COLGALT1: variants seen among roughly 807,000 people sequenced by gnomAD.
COLGALT1 encodes collagen beta(1-O)galactosyltransferase 1.
A neutral mutation model predicts 60.8 loss-of-function variants in COLGALT1; 43 were observed. That is an observed-to-expected ratio of 0.71 (90% CI 0.55 to 0.91). The LOEUF is 0.91. Among genes scored for constraint, COLGALT1 ranks in the 40% least tolerant of loss-of-function variants. The pLI, the probability that COLGALT1 is intolerant of heterozygous loss-of-function variation, is 0.00. For missense variants in COLGALT1, 845 were observed against 880.0 expected, an observed-to-expected ratio of 0.96 and a Z score of 0.50; for synonymous variants, 369 against 374.2, an observed-to-expected ratio of 0.99 and a Z score of 0.16.
intron 3 of COLGALT1, among the ~76,000 whole-genome samples, chr19:17,562,679 C>T (rs138717284): frequency 4.2e-4 from 63 of 151,268 alleles, no homozygotes; most frequent in Middle Eastern, 3.4e-3. Context: ...AAAAGCCACA[C>T]ACTAGCAGGA....
chr19:17,576,691 C>T (rs1455671044), intron 6 of COLGALT1, among the ~76,000 whole-genome samples: 1 of 102,084 alleles, frequency 9.8e-6, no homozygotes, highest in Non-Finnish European at 1.9e-5. Context: ...TGGGGGGGTG[C>T]AGGGTGAAGT....
chr19:17,581,102 AC>A, intron 11 of COLGALT1, 74 bp from the exon 12 acceptor site: 1 of 1,529,600 alleles, frequency 6.5e-7, no homozygotes. Flanking sequence ...TGACTTCTTC[AC>A]CCCCAATTTT....
At position 17,581,463 on chromosome 19, in the gene COLGALT1, C is replaced by G. The variant is rs1361268352; in HGVS notation, c.*19C>G. 1.3e-6 allele frequency: 2 copies of G among 1,597,126 alleles called. No homozygotes were observed. Among genetic ancestry groups the G allele is most frequent in the Admixed American group, 1.7e-5 (1 of 59,596 alleles). On this transcript the variant is annotated 3_prime_UTR_variant, in exon 12 of 12. Transcript: ENST00000252599. ...ACTCTGAGGGGTAGCAGCCAGAAAG[C>G]CAAAGCAGCCATCGGTGGCCCAGGC...
At position 17,580,753 on chromosome 19, in the gene COLGALT1, C is replaced by T. The variant is rs370763953; in HGVS notation, c.1449C>T (p.Arg483=). The T allele has an allele frequency of 1.9e-5, 31 of 1,614,088 alleles. No homozygotes were observed. The highest frequency in any genetic ancestry group is 3.3e-5 in the Admixed American group (2 of 60,010). The change falls in exon 11 of 12, where the codon CGC becomes CGT. Residue 483 remains arginine, a synonymous_variant. Transcript: ENST00000252599. ...AGCACCCCGAGAAGGCTGTGCCTCG[C>T]GTGAGGAACCTGGTGGAGGCCGACT... ...QVEHPEKAVP[R]VRNLVEADYS...
At position 17,572,594 on chromosome 19, in the gene COLGALT1, A is replaced by C; in HGVS notation, c.941A>C (p.Glu314Ala). Residue 314 changes from glutamate to alanine, a missense_variant, in exon 6 of 12, where the codon GAG becomes GCG. By Grantham distance (107) the Glu-to-Ala change is moderately radical. Coordinates refer to ENST00000252599, the MANE Select transcript of COLGALT1 (RefSeq NM_024656.4). The stretch of plus-strand genomic sequence containing the variant: ...GAGAGCTTCATGCATGTGCAGCTGG[A>C]GGTCATGGGTGAGTCTGCCTGCACA... Reference protein sequence around the residue: ...EAESFMHVQLEVMVKHPPAEP... With the variant: ...EAESFMHVQLAVMVKHPPAEP... 1 of 1,613,934 alleles carries C rather than the reference A, an allele frequency of 6.2e-7. No homozygotes were observed.
In COLGALT1 at chr19:17,581,400, G is replaced by A. The variant is rs1304121207; in HGVS notation, c.1825G>A (p.Val609Met). The change falls in exon 12 of 12, where the codon GTG (valine) becomes ATG (methionine). Residue 609 changes from valine (V) to methionine (M), a missense_variant. Val to Met is a conservative substitution (Grantham distance 21). Transcript: ENST00000252599. The part of the protein sequence containing the change: ...ALSREAKNSD[V>M]LQSPLDSAAR... ...GAGCCGTGAGGCCAAGAACTCGGAC[G>A]TGCTCCAGTCCCCACTGGACAGTGC... 12 of 1,612,012 alleles carry A rather than the reference G, an allele frequency of 7.4e-6. No individual in the cohort carries two copies. The highest frequency in any genetic ancestry group is 1.1e-5 in the South Asian group (1 of 91,088).
rs1438627298 is a variant in COLGALT1, at chr19:17,580,819, C to T, written c.1515C>T (p.Gly505=). ...WTLAYVISLQ[G]ARKLLAAEPL... is the part of the protein sequence containing the mutation. ...TGGCCTACGTGATCTCCCTGCAAGG[C>T]GCCCGCAAACTGCTGGCTGCTGAGC... Residue 505 remains glycine, a synonymous_variant, in exon 11 of 12, where the codon GGC becomes GGT. Transcript: ENST00000252599. 5.0e-6 allele frequency: 8 copies of T among 1,614,054 alleles called. No individual in the cohort carries two copies. Among genetic ancestry groups the T allele is most frequent in the Non-Finnish European group, 6.8e-6 (8 of 1,180,016 alleles).
chr19:17,556,629 G>A (rs2076213461), intron 1 of COLGALT1: 1 of 752,258 alleles, frequency 1.3e-6, no homozygotes, highest in Non-Finnish European at 1.6e-6. Flanking sequence ...ATGGAAAATG[G>A]GTCCGGGTGC....
At position 17,577,355 on chromosome 19, in the gene COLGALT1, C is replaced by A; in HGVS notation, c.1027-6C>A. The A allele has an allele frequency of 6.2e-7, 1 of 1,602,960 alleles. No homozygotes were observed. ...CTGATCTGGCTGGGGACTCTCCGGG[C>A]TGCAGGTCTTCATGATCAACCTGAG... is the stretch of plus-strand genomic sequence containing the variant. On this transcript the variant is annotated splice_polypyrimidine_tract_variant and splice_region_variant and intron_variant, in intron 7 of 11. Transcript: ENST00000252599.
intron 9 of COLGALT1, 98 bp downstream of exon 9, chr19:17,578,187 C>A: frequency 2.2e-6 from 3 of 1,357,082 alleles, no homozygotes; most frequent in Non-Finnish European, 2.9e-6. Context: ...AAAGCCCCGG[C>A]TAGGCATCCA....
intron 3 of COLGALT1, among the ~76,000 whole-genome samples, chr19:17,564,413 C>CTTT (rs71162155): frequency 6.7e-5 from 7 of 104,184 alleles, no homozygotes; most frequent in East Asian, 2.4e-4. Context: ...AAAACATCTA[C>CTTT]TTTTTTTTTT....
intron 10 of COLGALT1, 176 bp from the exon 11 acceptor site, chr19:17,580,523 C>T (rs2076373845): frequency 1.6e-6 from 1 of 635,942 alleles, no homozygotes; most frequent in South Asian, 1.9e-5. Context: ...CTCTTCTCCC[C>T]CATGACCGCC....
chr19:17,567,283 C>A (rs1011546337), intron 3 of COLGALT1, 123 bp from the exon 4 acceptor site: 15 of 1,277,916 alleles, frequency 1.2e-5, no homozygotes, highest in Non-Finnish European at 1.5e-5. Flanking sequence ...TCATTTCATC[C>A]GGTGTAGGGG....
Position 17,580,705 on chromosome 19 carries a change from G to A in COLGALT1, c.1401G>A (p.Val467=). The A allele has an allele frequency of 6.2e-7, 1 of 1,613,934 alleles. No individual in the cohort carries two copies. Among genetic ancestry groups the A allele is most frequent in the Non-Finnish European group, 8.5e-7 (1 of 1,180,016 alleles). ...GCCCGATCTTGCACCCCAGCTATGT[G>A]GGCCGGAAGCGGATGCAGGTGGAGC... is the stretch of plus-strand genomic sequence containing the variant. ...REGLDWDLIY[V]GRKRMQVEHP... is the part of the protein sequence containing the mutation. Residue 467 remains valine (V), a synonymous_variant, in exon 11 of 12, where the codon GTG becomes GTA. Transcript: ENST00000252599.
In COLGALT1 at chr19:17,578,110, G is replaced by C. The variant is rs200918631; in HGVS notation, c.1266+21G>C. 804 of 1,580,158 alleles carry C rather than the reference G, an allele frequency of 5.1e-4. 3 individuals carry two copies. Among genetic ancestry groups the C allele is most frequent in the South Asian group, 7.8e-4 (69 of 88,812 alleles). On this transcript the variant is annotated intron_variant, in intron 9 of 11. Coordinates refer to ENST00000252599, the MANE Select transcript of COLGALT1 (RefSeq NM_024656.4). Reference sequence around the variant, plus strand: ...AGGAGGTGTGTCCTGAGTGATGGGCGGGGCCAGAGTTATGACTCTAGATCT... The same window carrying C: ...AGGAGGTGTGTCCTGAGTGATGGGCCGGGCCAGAGTTATGACTCTAGATCT...
chr19:17,577,476 G>C lies in COLGALT1; in HGVS notation c.1133+9G>C, dbSNP rs1190664771. 4 of 874,194 alleles carry C rather than the reference G, an allele frequency of 4.6e-6. No individual in the cohort carries two copies. Among genetic ancestry groups the C allele is most frequent in the Non-Finnish European group, 6.2e-6 (4 of 640,016 alleles). 54.2% of individuals were successfully genotyped at this position (874,194 alleles called of 1,614,324 possible). A position where few individuals can be genotyped will look rare whatever the true frequency, so the allele number is the denominator to read the frequency against. ...GAGGCCGTGGACGGCAAGTGAGTCC[G>C]AGGCCTGGGGGTGGGGGGGCGGGTC... On this transcript the variant is annotated intron_variant, in intron 8 of 11. Transcript: ENST00000252599.
chr19:17,577,290 G>C lies in COLGALT1; in HGVS notation c.1026+19G>C, dbSNP rs767862462. The C allele has an allele frequency of 3.1e-6, 5 of 1,612,280 alleles. No individual in the cohort carries two copies. The highest frequency in any genetic ancestry group is 4.2e-6 in the Non-Finnish European group (5 of 1,179,424). On this transcript the variant is annotated intron_variant, in intron 7 of 11. Coordinates refer to ENST00000252599, the MANE Select transcript of COLGALT1 (RefSeq NM_024656.4). ...CGACGAGGTGAGCTGGGCCTTCCCT[G>C]GAGGCGGGGCGGGGGCTGGAGGGCC...
At chr19:17,561,031 T>A (rs898825211) in intron 3 of COLGALT1, among the ~76,000 whole-genome samples, 1 of 151,528 alleles carries the variant, frequency 6.6e-6, no homozygotes, top group Admixed American at 6.6e-5. Flanking sequence ...ATGGTGAGAC[T>A]CCATCTCTAC....
chr19:17,577,009 C>CGGGG, intron 6 of COLGALT1, 186 bp from the exon 7 acceptor site: 1 of 325,316 alleles, frequency 3.1e-6, no homozygotes. Flanking sequence ...GGGCTTTGGG[C>CGGGG]TGCTGTGCAG....
Sources: allele counts gnomAD v4.1 joint callset (sites outside exome capture counted in the v4.1 genomes callset), GRCh38; gene constraint gnomAD v4.1.1; transcripts MANE v1.5; gene names NCBI Gene and HGNC (gene_info 2026-07-23, HGNC 2026-07-21).